The following FRMPD4 variants were observed in gnomAD, a reference collection of about 807,000 sequenced individuals.
FRMPD4 encodes FERM and PDZ domain containing 4, also known as FERM and PDZ domain-containing protein 4.
Under a neutral mutation model 94.1 loss-of-function variants are expected in FRMPD4, and 22 were observed. The observed-to-expected ratio is 0.23, with a 90% CI of 0.17 to 0.33. The LOEUF (loss-of-function observed/expected upper bound fraction) is 0.33. Among genes scored for constraint, FRMPD4 ranks in the 10% least tolerant of loss-of-function variants. FRMPD4 has a pLI of 1.00. For synonymous variants in FRMPD4, 631 were observed against 548.6 expected (o/e 1.15, Z -2.10); for missense variants, 1,111 against 1,339.9 (o/e 0.83, Z 2.67).
rs181259990 is a variant in FRMPD4 at position 12,575,086 on chromosome X, G to C, written c.159-34635G>C. ...CCTTGGCCATCTGCTGGAAATGACA[G>C]ATCAGGGAGGTCCCTTAAGTGATGC... On this transcript the variant is annotated intron_variant, in intron 2 of 16. Transcript: ENST00000675598. Among the ~76,000 whole-genome samples the C allele has an allele frequency of 5.2e-3, 574 of 111,440 alleles. 2 individuals carry two copies. Among genetic ancestry groups the C allele is most frequent in the Non-Finnish European group, 9.3e-3 (491 of 53,077 alleles).
intron 1 of FRMPD4, among the ~76,000 whole-genome samples, chrX:12,153,749 C>T (rs1179360484): frequency 8.9e-6 from 1 of 112,417 alleles, no homozygotes; most frequent in Non-Finnish European, 1.9e-5. Context: ...AGATTTTTTT[C>T]TGTGTCCTAG....
chrX:12,096,596 C>G (rs1160072876), intron 3 of FRMPD4, among the ~76,000 whole-genome samples: 1 of 111,934 alleles, frequency 8.9e-6, no homozygotes, highest in African/African-American at 3.2e-5. Context: ...ATCCGTTAAT[C>G]AAAACACTTT....
intron 4 of FRMPD4, among the ~76,000 whole-genome samples, chrX:12,669,803 T>C (rs945906900): frequency 1.8e-5 from 2 of 112,051 alleles, no homozygotes; most frequent in Non-Finnish European, 3.8e-5. Context: ...CTCTAGAAGT[T>C]GAAAAGTCTT....
chrX:11,946,088 A>G (rs888296561), intron 3 of FRMPD4, among the ~76,000 whole-genome samples: 1 of 112,070 alleles, frequency 8.9e-6, no homozygotes, highest in African/African-American at 3.2e-5. Context: ...TTTTATCTCA[A>G]TTCTGAAATC....
chrX:12,493,202 C>T (rs771219087), intron 1 of FRMPD4, among the ~76,000 whole-genome samples: 1 of 111,229 alleles, frequency 9.0e-6, no homozygotes, highest in East Asian at 2.8e-4. Context: ...CAAAACATAC[C>T]TTGAATACCA....
intron 1 of FRMPD4, among the ~76,000 whole-genome samples, chrX:12,495,401 G>A (rs1039995356): frequency 8.9e-6 from 1 of 112,178 alleles, no homozygotes; most frequent in African/African-American, 3.2e-5. Context: ...AACTGAGGGG[G>A]TTAGGGAGAT....
intron 3 of FRMPD4, among the ~76,000 whole-genome samples, chrX:12,025,942 A>C (rs1363598154): frequency 8.9e-6 from 1 of 111,967 alleles, no homozygotes; most frequent in Non-Finnish European, 1.9e-5. Flanking sequence ...TGACATAATA[A>C]ATGTTTGTTA....
chrX:12,405,931 A>C (rs5979615), intron 1 of FRMPD4, among the ~76,000 whole-genome samples: 2 of 109,848 alleles, frequency 1.8e-5, no homozygotes, highest in East Asian at 5.7e-4. Context: ...GATTCTGGGA[A>C]GTGATGAGGA....
intron 14 of FRMPD4, among the ~76,000 whole-genome samples, chrX:12,712,067 A>G (rs1321246523): frequency 1.8e-5 from 2 of 111,395 alleles, no homozygotes; most frequent in East Asian, 5.5e-4. Flanking sequence ...ATCCAGTCCC[A>G]TCTTGAGGTA....
At chrX:11,987,377 A>G (rs2054437271) in intron 3 of FRMPD4, among the ~76,000 whole-genome samples, 1 of 111,291 alleles carries the variant, frequency 9.0e-6, no homozygotes. Flanking sequence ...ACATTGCTTC[A>G]CAATAAAAGC....
intron 1 of FRMPD4, among the ~76,000 whole-genome samples, chrX:12,440,707 G>C (rs762956780): frequency 1.7e-4 from 19 of 110,951 alleles, no homozygotes; most frequent in African/African-American, 5.2e-4. Context: ...CTTGGGAGGG[G>C]GGGGAGCAGC....
rs369963195 is a variant in FRMPD4 at position 12,717,941 on chromosome X, C to T, written c.3115C>T (p.Pro1039Ser). The change falls in exon 16 of 17, where the codon CCC becomes TCC. Residue 1039 changes from proline to serine, a missense_variant. Physicochemically the swap from Pro to Ser is moderately conservative, Grantham distance 74 (BLOSUM62 -1). Around this residue, in one of 8 missense-constraint regions of FRMPD4, gnomAD observed 551 missense variants for 591.6 expected, o/e 0.93. Coordinates refer to ENST00000675598, the MANE Select transcript of FRMPD4 (RefSeq NM_001368397.1). ...GCTGGCCGATGGTGAGGGGAAGGCACCCCCTAATGGGAACACAACAGGAAA... is the reference window on the plus strand; with the variant it reads ...GCTGGCCGATGGTGAGGGGAAGGCATCCCCTAATGGGAACACAACAGGAAA... ...SKLADGEGKA[P>S]PNGNTTGKKQ... 8.3e-7 allele frequency: 1 copy of T among 1,210,503 alleles called. No homozygotes were observed.
intron 2 of FRMPD4, among the ~76,000 whole-genome samples, chrX:12,599,792 T>C (rs1009768134): frequency 1.8e-5 from 2 of 111,585 alleles, no homozygotes; most frequent in African/African-American, 6.5e-5. Flanking sequence ...ACATTTTTTT[T>C]GCTTTTGTAG....
chrX:12,531,793 C>T (rs1049613597), intron 2 of FRMPD4, among the ~76,000 whole-genome samples: 2 of 111,534 alleles, frequency 1.8e-5, no homozygotes, highest in African/African-American at 6.5e-5. Flanking sequence ...TTTGCTCCAA[C>T]TTAATAATAA....
chrX:11,824,295 A>G (rs1468691775), intron 1 of FRMPD4, among the ~76,000 whole-genome samples: 5 of 111,887 alleles, frequency 4.5e-5, no homozygotes, highest in Non-Finnish European at 9.4e-5. Context: ...ACAGTTGGAT[A>G]TAGAAATCTG....
At chrX:12,306,300 A>C (rs1273071265) in intron 1 of FRMPD4, among the ~76,000 whole-genome samples, 1 of 111,207 alleles carries the variant, frequency 9.0e-6, no homozygotes, top group African/African-American at 3.3e-5. Context: ...TCTTTCTTTC[A>C]GTTTTCTCCA....
At chrX:12,129,253 G>T (rs935711042) in intron 3 of FRMPD4, among the ~76,000 whole-genome samples, 1 of 111,901 alleles carries the variant, frequency 8.9e-6, no homozygotes, top group African/African-American at 3.3e-5. Flanking sequence ...TTACAATTCT[G>T]CATGGTTGGG....
At chrX:12,585,206 C>T (rs1251099478) in intron 2 of FRMPD4, among the ~76,000 whole-genome samples, 1 of 94,732 alleles carries the variant, frequency 1.1e-5, no homozygotes, top group Non-Finnish European at 2.1e-5. Context: ...GCGTCAGCAC[C>T]GCGCCTAGCC....
intron 14 of FRMPD4, among the ~76,000 whole-genome samples, chrX:12,713,298 G>A (rs1043366576): frequency 9.0e-6 from 1 of 111,005 alleles, no homozygotes; most frequent in African/African-American, 3.3e-5. Context: ...CAGTAATAAG[G>A]GTCTCCACTC....
Sources: allele counts gnomAD v4.1 joint callset (sites outside exome capture counted in the v4.1 genomes callset), GRCh38; gene constraint gnomAD v4.1.1; regional missense constraint gnomAD v4.1.1; transcripts MANE v1.5; gene names NCBI Gene and HGNC (gene_info 2026-07-23, HGNC 2026-07-21).